Variants in DEPTOR observed in about 807,000 individuals in gnomAD.
DEPTOR encodes DEP domain-containing mTOR-interacting protein.
Under a neutral mutation model 41.6 loss-of-function variants are expected in DEPTOR, and 41 were observed. That is an observed-to-expected ratio of 0.98 (90% CI 0.77 to 1.28). The LOEUF is 1.28. Ranked by LOEUF, DEPTOR falls within the 50% of genes most tolerant of loss-of-function variation. The pLI is 0.00. For synonymous variants in DEPTOR, 195 were observed against 192.3 expected (o/e 1.01, Z -0.12); for missense variants, 514 against 527.9 (o/e 0.97, Z 0.26).
chr8:119,907,612 G>T (rs962717293), intron 1 of DEPTOR, among the ~76,000 whole-genome samples: 1 of 152,148 alleles, frequency 6.6e-6, no homozygotes, highest in African/African-American at 2.4e-5. Flanking sequence ...GGCCAACATG[G>T]TGAAACCCCA....
At chr8:119,906,061 G>A (rs1003870825) in intron 1 of DEPTOR, among the ~76,000 whole-genome samples, 2 of 152,094 alleles carry the variant, frequency 1.3e-5, no homozygotes, top group African/African-American at 4.8e-5. Context: ...CCAAAATGCT[G>A]GGATTATAGG....
rs941478315 is a variant in DEPTOR, at chr8:119,929,724, A to C, written c.302-91A>C. 2.7e-6 allele frequency: 4 copies of C among 1,495,778 alleles called. No individual in the cohort carries two copies. In the African/African-American group the frequency reaches 5.6e-5, roughly 21 times the overall value. The allele number at this position is 1,495,778 out of a possible 1,614,324, so 92.7% of individuals were successfully genotyped here. ...CATGCATGAAGAATGTGATAGTGAA[A>C]TAATTCTTAATTAGCATCATACTTC... On this transcript the variant is annotated intron_variant, in intron 2 of 8. Coordinates refer to ENST00000286234, the MANE Select transcript of DEPTOR (RefSeq NM_022783.4).
In DEPTOR at chr8:119,971,366, A is replaced by G. The variant is rs147924942; in HGVS notation, c.604+5956A>G. On this transcript the variant is annotated intron_variant, in intron 4 of 8. Coordinates refer to ENST00000286234, the MANE Select transcript of DEPTOR (RefSeq NM_022783.4). ...TGATTACCTAATATTCCAATGGGGT[A>G]CAGAGGCTACCTATCCTACTTCTTA... 1.5e-3 allele frequency among the ~76,000 whole-genome samples: 224 copies of G among 152,344 alleles called. 2 individuals carry two copies. The highest frequency in any genetic ancestry group is 4.8e-3 in the African/African-American group (198 of 41,580).
intron 1 of DEPTOR, among the ~76,000 whole-genome samples, chr8:119,907,175 C>T (rs1827674748): frequency 6.6e-6 from 1 of 152,094 alleles, no homozygotes; most frequent in African/African-American, 2.4e-5. Context: ...AGATCTGGCC[C>T]ATGACACTAC....
chr8:119,971,056 C>G (rs1828625959), intron 4 of DEPTOR, among the ~76,000 whole-genome samples: 1 of 152,014 alleles, frequency 6.6e-6, no homozygotes, highest in Non-Finnish European at 1.5e-5. Flanking sequence ...CGGTGAAACC[C>G]CGTCTCTGCT....
chr8:119,892,108 C>G (rs10107251), intron 1 of DEPTOR, among the ~76,000 whole-genome samples: 75,644 of 152,060 alleles, frequency 0.5, 20,486 homozygotes, highest in East Asian at 0.92. Flanking sequence ...AAGCAGTTCT[C>G]CCACTTCAGC....
chr8:119,972,809 C>T (rs940384817), intron 4 of DEPTOR, among the ~76,000 whole-genome samples: 9 of 152,032 alleles, frequency 5.9e-5, no homozygotes, highest in African/African-American at 1.2e-4. Flanking sequence ...CTGAATCAGC[C>T]GACATAGCCT....
chr8:119,936,329 T>C (rs1312801874), intron 3 of DEPTOR, among the ~76,000 whole-genome samples: 2 of 152,200 alleles, frequency 1.3e-5, no homozygotes. Flanking sequence ...AATAAATATT[T>C]GTTGAATGAA....
chr8:119,955,139 T>C (rs2129937989), intron 3 of DEPTOR, among the ~76,000 whole-genome samples: 1 of 152,320 alleles, frequency 6.6e-6, no homozygotes, highest in Non-Finnish European at 1.5e-5. Context: ...ATTACAGGCA[T>C]GAGCCACTGC....
chr8:120,024,511 GTGGGCCTAATCCAATA>G (rs1295773387), intron 8 of DEPTOR, among the ~76,000 whole-genome samples: 1 of 152,168 alleles, frequency 6.6e-6, no homozygotes, highest in African/African-American at 2.4e-5. Flanking sequence ...GGTCATAAGG[GTGGGCCTAATCCAATA>G]TGACTGATGT....
At chr8:119,900,663 A>G (rs1563960745) in intron 1 of DEPTOR, among the ~76,000 whole-genome samples, 1 of 152,030 alleles carries the variant, frequency 6.6e-6, no homozygotes, top group Non-Finnish European at 1.5e-5. Context: ...TCCTAGGATT[A>G]CAGATGTGAA....
intron 4 of DEPTOR, among the ~76,000 whole-genome samples, chr8:119,988,720 C>T (rs58466445): frequency 0.29 from 43,488 of 151,862 alleles, 6,500 homozygotes; most frequent in South Asian, 0.39. Context: ...TGACCTCAAG[C>T]GAACTGCCCG....
In DEPTOR at chr8:119,913,426, G is replaced by T. The variant is rs563650988; in HGVS notation, c.123-14974G>T. On this transcript the variant is annotated intron_variant, in intron 1 of 8. Coordinates refer to ENST00000286234, the MANE Select transcript of DEPTOR (RefSeq NM_022783.4). ...CTGGTTTACAGAAATAACATTGATTGGTGATTGGCTGTACATTGTTGAACT... is the reference window on the plus strand; with the variant it reads ...CTGGTTTACAGAAATAACATTGATTTGTGATTGGCTGTACATTGTTGAACT... Among the ~76,000 whole-genome samples, 369 of 152,276 alleles carry T rather than the reference G, an allele frequency of 2.4e-3. 1 individual carries two copies. The highest frequency in any genetic ancestry group is 7.9e-3 in the African/African-American group (328 of 41,538).
chr8:119,897,277 G>A (rs945522365), intron 1 of DEPTOR, among the ~76,000 whole-genome samples: 4 of 152,184 alleles, frequency 2.6e-5, no homozygotes, highest in Non-Finnish European at 2.9e-5. Flanking sequence ...GCCCACACCT[G>A]TAATCCCAGC....
chr8:119,978,710 C>T (rs999758605), intron 4 of DEPTOR, among the ~76,000 whole-genome samples: 6 of 152,122 alleles, frequency 3.9e-5, no homozygotes, highest in Non-Finnish European at 5.9e-5. Context: ...CCCAGGCTCT[C>T]CTTATGCAGG....
intron 3 of DEPTOR, among the ~76,000 whole-genome samples, chr8:119,932,223 G>A (rs897981831): frequency 6.6e-6 from 1 of 151,964 alleles, no homozygotes; most frequent in Non-Finnish European, 1.5e-5. Flanking sequence ...GTCCTCAAGT[G>A]ATCCTCTTGC....
intron 4 of DEPTOR, among the ~76,000 whole-genome samples, chr8:119,981,722 T>G (rs1278082222): frequency 1.3e-5 from 2 of 150,098 alleles, no homozygotes; most frequent in Non-Finnish European, 3.0e-5. Flanking sequence ...TTCTCTTAAA[T>G]TCCTAGTCTT....
chr8:120,044,125 A>C (rs1813120488), intron 8 of DEPTOR, among the ~76,000 whole-genome samples: 1 of 151,890 alleles, frequency 6.6e-6, no homozygotes, highest in Admixed American at 6.6e-5. Flanking sequence ...TATGTAAAAC[A>C]AAGGCAGATC....
At chr8:120,034,247 T>C (rs1812938711) in intron 8 of DEPTOR, among the ~76,000 whole-genome samples, 1 of 140,702 alleles carries the variant, frequency 7.1e-6, no homozygotes, top group Non-Finnish European at 1.5e-5. Flanking sequence ...TATAACTGTG[T>C]GTCTCTGCAA....
Sources: allele counts gnomAD v4.1 joint callset (sites outside exome capture counted in the v4.1 genomes callset), GRCh38; gene constraint gnomAD v4.1.1; transcripts MANE v1.5; gene names NCBI Gene and HGNC (gene_info 2026-07-23, HGNC 2026-07-21).